Variants in SGCZ observed in about 807,000 individuals in gnomAD.
SGCZ encodes the protein sarcoglycan zeta, also known as zeta-sarcoglycan.
Under a neutral mutation model 41.3 loss-of-function variants are expected in SGCZ, and 40 were observed. The ratio of observed to expected loss-of-function variants is 0.97; its 90% confidence interval spans 0.75 to 1.26. The LOEUF (loss-of-function observed/expected upper bound fraction) is 1.26, where lower values mean the gene tolerates loss of function less well. Among genes scored for constraint, SGCZ ranks in the 50% most tolerant of loss-of-function variants. SGCZ has a pLI of 0.00. For synonymous variants in SGCZ, 206 were observed against 137.5 expected (o/e 1.50, Z -3.49); for missense variants, 552 against 369.8 (o/e 1.49, Z -4.04).
chr8:15,070,982 A>G (rs1805330863), intron 1 of SGCZ, among the ~76,000 whole-genome samples: 1 of 152,214 alleles, frequency 6.6e-6, no homozygotes, highest in South Asian at 2.1e-4. Flanking sequence ...TGTGAACATT[A>G]CTAAGTAGGT....
At chr8:14,250,850 C>A in intron 3 of SGCZ, among the ~76,000 whole-genome samples, 1 of 152,178 alleles carries the variant, frequency 6.6e-6, no homozygotes, top group Admixed American at 6.5e-5. Flanking sequence ...TGGCTCCATA[C>A]TCCTCATCCT....
At position 14,647,608 on chromosome 8, in the gene SGCZ, T is replaced by C. The variant is rs184836630; in HGVS notation, c.40-92682A>G. ...GTGGCATAAAGATTTTTAAGACATG[T>C]AAATTATTAAATTAATATTAAAACA... On this transcript the variant is annotated intron_variant, in intron 1 of 7. Coordinates refer to ENST00000382080, the MANE Select transcript of SGCZ (RefSeq NM_139167.4). Among the ~76,000 whole-genome samples the C allele has an allele frequency of 5.3e-5, 8 of 152,214 alleles. No homozygotes were observed. The East Asian group carries it at 1.5e-3, about 29-fold the overall frequency.
chr8:14,994,213 G>A (rs115266140), intron 1 of SGCZ, among the ~76,000 whole-genome samples: 3,393 of 152,266 alleles, frequency 0.022, 150 homozygotes, highest in African/African-American at 0.077. Context: ...ATCATGGGCT[G>A]TTACAGAACC....
chr8:15,154,727 T>C (rs1371824373), intron 1 of SGCZ, among the ~76,000 whole-genome samples: 1 of 152,134 alleles, frequency 6.6e-6, no homozygotes, highest in African/African-American at 2.4e-5. Context: ...CAAGCAATTA[T>C]AAACAAAAAA....
At chr8:14,426,081 G>T (rs1010314534) in intron 2 of SGCZ, among the ~76,000 whole-genome samples, 3 of 151,958 alleles carry the variant, frequency 2.0e-5, no homozygotes, top group Non-Finnish European at 2.9e-5. Context: ...CACATTATTT[G>T]TTCCTTCAAC....
chr8:14,447,696 T>C (rs1205906055), intron 2 of SGCZ, among the ~76,000 whole-genome samples: 3 of 152,186 alleles, frequency 2.0e-5, no homozygotes, highest in Non-Finnish European at 4.4e-5. Context: ...CATTATTTTT[T>C]AAATGACAGT....
At chr8:14,997,173 C>A (rs1397777670) in intron 1 of SGCZ, among the ~76,000 whole-genome samples, 1 of 152,102 alleles carries the variant, frequency 6.6e-6, no homozygotes, top group Non-Finnish European at 1.5e-5. Flanking sequence ...ACATATCTGT[C>A]CCGTATCTAA....
At chr8:14,110,671 T>G (rs1040877491) in intron 5 of SGCZ, among the ~76,000 whole-genome samples, 4 of 152,074 alleles carry the variant, frequency 2.6e-5, no homozygotes, top group Admixed American at 2.0e-4. Flanking sequence ...GGTACAAAAT[T>G]AATAAGCAAC....
At chr8:15,176,179 G>T (rs543768201) in intron 1 of SGCZ, among the ~76,000 whole-genome samples, 27 of 152,242 alleles carry the variant, frequency 1.8e-4, no homozygotes, top group African/African-American at 6.0e-4. Context: ...AAATAGGTTT[G>T]GTCATTTAAA....
intron 1 of SGCZ, among the ~76,000 whole-genome samples, chr8:14,859,516 A>G (rs1323223216): frequency 2.0e-5 from 3 of 152,152 alleles, no homozygotes; most frequent in Non-Finnish European, 2.9e-5. Context: ...ACACTCCCCA[A>G]ATCCCAGCCC....
chr8:14,092,024 C>G (rs1222456818), intron 7 of SGCZ, among the ~76,000 whole-genome samples: 2 of 152,002 alleles, frequency 1.3e-5, no homozygotes, highest in Non-Finnish European at 2.9e-5. Flanking sequence ...CCAGGTTCAG[C>G]TTTCTGCGTA....
rs28847673 is a variant in SGCZ, at chr8:14,200,857, G to A, written c.425-36155C>T. 7.1e-3 allele frequency among the ~76,000 whole-genome samples: 1,085 copies of A among 152,130 alleles called. 14 individuals carry two copies. The highest frequency in any genetic ancestry group is 0.024 in the African/African-American group (999 of 41,516). ...CAGACTGTTAAAGGAATGAAGATAC[G>A]TCACAGAGCAGGAGAAAATATTTGC... On this transcript the variant is annotated intron_variant, in intron 4 of 7. Transcript: ENST00000382080.
At chr8:15,217,416 CAAA>C (rs35784389) in intron 1 of SGCZ, among the ~76,000 whole-genome samples, 1 of 118,802 alleles carries the variant, frequency 8.4e-6, no homozygotes, top group Admixed American at 8.5e-5. Context: ...GACTCCGTCT[CAAA>C]AAAAAAAAAA....
At chr8:14,862,535 GATATATATATATATATATATAT>G (rs59769861) in intron 1 of SGCZ, among the ~76,000 whole-genome samples, 168 of 61,580 alleles carry the variant, frequency 2.7e-3, no homozygotes, top group African/African-American at 4.5e-3. Context: ...GCATCTTTAA[GATATATATATATATATATATAT>G]ATATATATAT....
At chr8:14,318,458 T>C (rs1054944252) in intron 3 of SGCZ, among the ~76,000 whole-genome samples, 7 of 151,894 alleles carry the variant, frequency 4.6e-5, no homozygotes, top group Non-Finnish European at 7.4e-5. Flanking sequence ...CCACAGACCA[T>C]GAATCCCTAC....
chr8:14,319,668 T>G (rs183090975), intron 3 of SGCZ, among the ~76,000 whole-genome samples: 1 of 152,034 alleles, frequency 6.6e-6, no homozygotes, highest in Non-Finnish European at 1.5e-5. Flanking sequence ...CATTTATATG[T>G]AGAATCAAGA....
At chr8:14,558,092 T>C (rs1804088083) in intron 1 of SGCZ, among the ~76,000 whole-genome samples, 1 of 152,074 alleles carries the variant, frequency 6.6e-6, no homozygotes, top group Admixed American at 6.6e-5. Flanking sequence ...CCCAAAAAGA[T>C]ACAACCTTCC....
chr8:14,921,759 A>G (rs964988217), intron 1 of SGCZ, among the ~76,000 whole-genome samples: 1 of 152,178 alleles, frequency 6.6e-6, no homozygotes, highest in Admixed American at 6.5e-5. Flanking sequence ...TTTTCCATAG[A>G]TTTTGTTACA....
At chr8:14,198,546 A>T (rs578258749) in intron 4 of SGCZ, among the ~76,000 whole-genome samples, 294 of 152,236 alleles carry the variant, frequency 1.9e-3, no homozygotes, top group Non-Finnish European at 3.4e-3. Flanking sequence ...AGTATCATGT[A>T]ATATACCTCA....
Sources: gnomAD v4.1 joint callset for allele counts (sites outside exome capture counted in the v4.1 genomes callset) on GRCh38, gnomAD v4.1.1 for gene constraint, MANE v1.5 for transcripts, NCBI Gene and HGNC (gene_info 2026-07-23, HGNC 2026-07-21) for gene names.